Variants in KIF13B observed in about 807,000 individuals in gnomAD.
KIF13B encodes kinesin-like protein KIF13B.
A neutral mutation model predicts 222.0 loss-of-function variants in KIF13B; 127 were observed. The observed-to-expected ratio is 0.57, with a 90% CI of 0.50 to 0.66. The LOEUF (loss-of-function observed/expected upper bound fraction) is 0.66. Among genes scored for constraint, KIF13B ranks in the 30% least tolerant of loss-of-function variants. The probability of loss-of-function intolerance (pLI) is 0.00; values close to 1 mark genes in which losing one functional copy is unlikely to be tolerated. For missense variants in KIF13B, 2,173 were observed against 2,379.0 expected, an observed-to-expected ratio of 0.91 and a Z score of 1.80; for synonymous variants, 976 against 919.0, an observed-to-expected ratio of 1.06 and a Z score of -1.12.
At position 29,142,094 on chromosome 8, in the gene KIF13B, A is replaced by G. The variant is rs558888381; in HGVS notation, c.2334+63T>C. The G allele has an allele frequency of 2.0e-5, 27 of 1,380,844 alleles. No homozygotes were observed. In the East Asian group the frequency reaches 3.9e-4, roughly 20 times the overall value. 85.5% of individuals were successfully genotyped at this position (1,380,844 alleles called of 1,614,324 possible). A position where few individuals can be genotyped will look rare whatever the true frequency, so the allele number is the denominator to read the frequency against. On this transcript the variant is annotated intron_variant, in intron 19 of 39. Transcript: ENST00000524189. ...AACAATTTTCCCCTGAAATGGGTAG[A>G]CTCATTCCAGCTTGGCTCCTTCCAT... is the stretch of plus-strand genomic sequence containing the variant.
At chr8:29,096,764 C>T (rs550795881) in intron 36 of KIF13B, among the ~76,000 whole-genome samples, 2 of 151,884 alleles carry the variant, frequency 1.3e-5, no homozygotes, top group East Asian at 1.9e-4. Context: ...GAACTCTAAG[C>T]GATTTGATAA....
intron 24 of KIF13B, among the ~76,000 whole-genome samples, chr8:29,129,046 T>C (rs577039048): frequency 1.3e-5 from 2 of 152,304 alleles, no homozygotes; most frequent in East Asian, 3.9e-4. Context: ...TCTTTATTCT[T>C]GCCATTAAGT....
At chr8:29,194,518 T>C (rs1039503727) in intron 3 of KIF13B, among the ~76,000 whole-genome samples, 2 of 152,172 alleles carry the variant, frequency 1.3e-5, no homozygotes, top group African/African-American at 4.8e-5. Flanking sequence ...AGGTCCCTCC[T>C]CTGCACCACT....
chr8:29,074,354 G>A (rs1807455197), intron 38 of KIF13B, among the ~76,000 whole-genome samples: 1 of 152,238 alleles, frequency 6.6e-6, no homozygotes, highest in African/African-American at 2.4e-5. Context: ...ACAAAGCAGG[G>A]AGCAGGATGG....
intron 2 of KIF13B, among the ~76,000 whole-genome samples, chr8:29,225,522 C>G (rs987909371): frequency 6.6e-6 from 1 of 152,140 alleles, no homozygotes; most frequent in Non-Finnish European, 1.5e-5. Flanking sequence ...GTGTGCCCTG[C>G]CTGCCAAGCA....
At chr8:29,229,930 A>G (rs1815208945) in intron 2 of KIF13B, among the ~76,000 whole-genome samples, 1 of 152,248 alleles carries the variant, frequency 6.6e-6, no homozygotes, top group Non-Finnish European at 1.5e-5. Flanking sequence ...CCTACCATAT[A>G]TGCCAGTGTT....
intron 2 of KIF13B, among the ~76,000 whole-genome samples, chr8:29,235,663 C>T (rs754005385): frequency 6.6e-6 from 1 of 152,048 alleles, no homozygotes; most frequent in Non-Finnish European, 1.5e-5. Flanking sequence ...CAAAGCAGTA[C>T]AAATATTAGA....
At chr8:29,174,754 A>T (rs531882611) in intron 10 of KIF13B, among the ~76,000 whole-genome samples, 1 of 152,350 alleles carries the variant, frequency 6.6e-6, no homozygotes, top group South Asian at 2.1e-4. Flanking sequence ...AAATTTACTG[A>T]ATTTTAGCAT....
At chr8:29,196,275 C>CT (rs920040256) in intron 2 of KIF13B, 76 bp from the exon 3 acceptor site, 5 of 1,278,026 alleles carry the variant, frequency 3.9e-6, no homozygotes, top group Non-Finnish European at 5.4e-6. Flanking sequence ...GTTTAGAAGA[C>CT]TTTTTTTGAA....
intron 21 of KIF13B, among the ~76,000 whole-genome samples, chr8:29,136,902 C>A (rs1810586066): frequency 6.7e-6 from 1 of 150,332 alleles, no homozygotes; most frequent in Non-Finnish European, 1.5e-5. Context: ...CAAGTTCACA[C>A]CATTCTCCTG....
intron 37 of KIF13B, among the ~76,000 whole-genome samples, chr8:29,088,340 G>A (rs1400444389): frequency 6.6e-6 from 1 of 152,018 alleles, no homozygotes; most frequent in Non-Finnish European, 1.5e-5. Flanking sequence ...TTTTTCAAGT[G>A]CCCATGAAGG....
rs962940284 is a variant in KIF13B at position 29,155,854 on chromosome 8, T to A, written c.1407A>T (p.Glu469Asp). 1.9e-6 allele frequency: 3 copies of A among 1,570,264 alleles called. No homozygotes were observed. The highest frequency in any genetic ancestry group is 3.7e-5 in the Admixed American group (2 of 53,548). ...AATTTGCTGACCCTATCAATGTATGTTCCTAAGAAAAAACCAAATTCACTG... is the reference window on the plus strand; with the variant it reads ...AATTTGCTGACCCTATCAATGTATGATCCTAAGAAAAAACCAAATTCACTG... ...LNELLVYYLKEHTLIGSANSQ... is the reference protein window; with the variant it reads ...LNELLVYYLKDHTLIGSANSQ... Residue 469 changes from glutamate (E) to aspartate (D), a missense_variant and splice_region_variant, in exon 14 of 40, where the codon GAA becomes GAT. By Grantham distance (45) the Glu-to-Asp change is conservative (BLOSUM62 2). Coordinates refer to ENST00000524189, the MANE Select transcript of KIF13B (RefSeq NM_015254.4).
rs754081959 is a variant in KIF13B at position 29,075,348 on chromosome 8, G to A, written c.4459-5C>T. 5.8e-6 allele frequency: 9 copies of A among 1,556,636 alleles called. No individual in the cohort carries two copies. The highest frequency in any genetic ancestry group is 7.8e-6 in the Non-Finnish European group (9 of 1,149,750). ...CACCATGATGCGGGGCACGGGCTGAGGAGGCAAGTGTGCAGGTCAGGGGTC... is the reference window on the plus strand; with the variant it reads ...CACCATGATGCGGGGCACGGGCTGAAGAGGCAAGTGTGCAGGTCAGGGGTC... On this transcript the variant is annotated splice_region_variant and splice_polypyrimidine_tract_variant and intron_variant, in intron 37 of 39. Coordinates refer to ENST00000524189, the MANE Select transcript of KIF13B (RefSeq NM_015254.4).
intron 1 of KIF13B, among the ~76,000 whole-genome samples, chr8:29,254,816 T>C (rs1816414959): frequency 6.6e-6 from 1 of 152,146 alleles, no homozygotes; most frequent in South Asian, 2.1e-4. Context: ...TGAAAACACA[T>C]GTCTACACAA....
chr8:29,152,040 A>G (rs563535649), intron 14 of KIF13B, among the ~76,000 whole-genome samples: 1 of 152,334 alleles, frequency 6.6e-6, no homozygotes, highest in East Asian at 1.9e-4. Flanking sequence ...AAGGAGTCCA[A>G]TCATCATGGA....
chr8:29,226,523 G>A (rs1310566091), intron 2 of KIF13B, among the ~76,000 whole-genome samples: 5 of 152,216 alleles, frequency 3.3e-5, no homozygotes, highest in South Asian at 2.1e-4. Context: ...ATGGGTGTCC[G>A]CTCCCCAGAC....
intron 2 of KIF13B, among the ~76,000 whole-genome samples, chr8:29,197,336 C>CAAAAAAAAAAAAAAAAAAAAAAAA (rs71222598): frequency 3.5e-5 from 2 of 57,770 alleles, no homozygotes; most frequent in Admixed American, 2.3e-4. Flanking sequence ...GACTCCGTCT[C>CAAAAAAAAAAAAAAAAAAAAAAAA]AAAAAAAAAA....
At chr8:29,179,195 C>T (rs558256945) in intron 8 of KIF13B, among the ~76,000 whole-genome samples, 1 of 151,964 alleles carries the variant, frequency 6.6e-6, no homozygotes, top group East Asian at 1.9e-4. Flanking sequence ...TAGCTCACTG[C>T]AGTCTCAAGC....
At chr8:29,127,789 C>G (rs900512576) in intron 24 of KIF13B, among the ~76,000 whole-genome samples, 2 of 152,046 alleles carry the variant, frequency 1.3e-5, no homozygotes, top group Non-Finnish European at 1.5e-5. Context: ...TTCCAGAGAG[C>G]TAAGTAAATA....
Sources: gnomAD v4.1 joint callset for allele counts (sites outside exome capture counted in the v4.1 genomes callset) on GRCh38, gnomAD v4.1.1 for gene constraint, MANE v1.5 for transcripts, NCBI Gene and HGNC (gene_info 2026-07-23, HGNC 2026-07-21) for gene names.